ERI3: variants seen among roughly 807,000 people sequenced by gnomAD.
ERI3 encodes the protein ERI1 exoribonuclease family member 3, also known as ERI1 exoribonuclease 3.
Under a neutral mutation model 44.4 loss-of-function variants are expected in ERI3, and 18 were observed. The observed-to-expected ratio is 0.41, with a 90% CI of 0.28 to 0.60. The LOEUF is 0.60. Among genes scored for constraint, ERI3 ranks in the 20% least tolerant of loss-of-function variants. The pLI, the probability that ERI3 is intolerant of heterozygous loss-of-function variation, is 0.36. For missense variants in ERI3, 294 were observed against 435.5 expected (o/e 0.68, Z 2.89); for synonymous variants, 183 against 164.8 (o/e 1.11, Z -0.84).
chr1:44,326,286 A>G (rs919616858), intron 3 of ERI3, among the ~76,000 whole-genome samples: 1 of 152,214 alleles, frequency 6.6e-6, no homozygotes, highest in East Asian at 1.9e-4. Flanking sequence ...AGTCTCATGC[A>G]AAGACGGGCC....
At chr1:44,354,094 A>T in intron 1 of ERI3, 1 of 985,486 alleles carries the variant, frequency 1.0e-6, no homozygotes, top group Non-Finnish European at 1.2e-6. Flanking sequence ...GAATTTGATG[A>T]AGCCAATTTC....
At chr1:44,317,131 T>C (rs1420558055) in intron 4 of ERI3, among the ~76,000 whole-genome samples, 2 of 131,080 alleles carry the variant, frequency 1.5e-5, no homozygotes, top group Non-Finnish European at 3.3e-5. Flanking sequence ...GCACATGTCA[T>C]ACGCATGTGC....
At chr1:44,353,032 T>G in intron 1 of ERI3, 107 bp from the exon 2 acceptor site, 1 of 1,565,444 alleles carries the variant, frequency 6.4e-7, no homozygotes. Context: ...TCGGGATAAC[T>G]GCTATCTATG....
At chr1:44,318,894 A>G (rs1332514951) in intron 4 of ERI3, among the ~76,000 whole-genome samples, 2 of 152,224 alleles carry the variant, frequency 1.3e-5, no homozygotes, top group Non-Finnish European at 2.9e-5. Context: ...AGTGCATTAC[A>G]TGACATGTCA....
chr1:44,319,599 C>A, intron 4 of ERI3, 29 bp downstream of exon 4: 1 of 1,524,704 alleles, frequency 6.6e-7, no homozygotes, highest in Non-Finnish European at 9.1e-7. Flanking sequence ...CTCCCAGCAG[C>A]CCCTGCTGCC....
intron 6 of ERI3, among the ~76,000 whole-genome samples, chr1:44,286,918 C>A (rs1645405265): frequency 6.6e-6 from 1 of 152,154 alleles, no homozygotes; most frequent in Non-Finnish European, 1.5e-5. Flanking sequence ...TGCCGTGAGT[C>A]AGGACTCACC....
In ERI3 at chr1:44,301,644, C is replaced by T. The variant is rs780027884; in HGVS notation, c.758+6666G>A. ...GCAATCAGCCATTACCTCACTAGGA[C>T]GATCCACTATGCTGAACCCCACCTC... On this transcript the variant is annotated intron_variant, in intron 6 of 8. Coordinates refer to ENST00000372257, the MANE Select transcript of ERI3 (RefSeq NM_024066.3). 2.9e-4 allele frequency among the ~76,000 whole-genome samples: 44 copies of T among 152,194 alleles called. 1 individual carries two copies. The highest frequency in any genetic ancestry group is 4.7e-4 in the Non-Finnish European group (32 of 68,034).
chr1:44,247,852 T>C (rs1323943460), intron 8 of ERI3, 87 bp downstream of exon 8: 9 of 1,055,334 alleles, frequency 8.5e-6, no homozygotes, highest in Middle Eastern at 2.1e-4. Context: ...GAATGAGCCA[T>C]GGAAACTCTC....
chr1:44,326,479 C>T (rs753360776), intron 3 of ERI3, among the ~76,000 whole-genome samples: 43 of 152,208 alleles, frequency 2.8e-4, no homozygotes, highest in Non-Finnish European at 4.9e-4. Context: ...TTTTGATTTA[C>T]ACCACAGTCT....
intron 6 of ERI3, among the ~76,000 whole-genome samples, chr1:44,293,024 T>C (rs748492420): frequency 1.2e-4 from 18 of 152,234 alleles, no homozygotes; most frequent in Non-Finnish European, 2.1e-4. Context: ...CTGTCGCCAC[T>C]GCCTGTCAGG....
At position 44,248,031 on chromosome 1, in the gene ERI3, C is replaced by T. The variant is rs1167076332; in HGVS notation, c.839G>A (p.Ser280Asn). ...CTTGGGCCAGCAGCCCATGGCGAAG[C>T]TGTAAGCCTGGAAGACAGGAGGCAA... ...KQWINLKKAY[S>N]FAMGCWPKNG... Residue 280 changes from serine to asparagine, a missense_variant, in exon 8 of 9, where the codon AGC (serine) becomes AAC (asparagine). By Grantham distance (46) the Ser-to-Asn change is conservative. Transcript: ENST00000372257. 6.2e-7 allele frequency: 1 copy of T among 1,611,090 alleles called. No homozygotes were observed. Among genetic ancestry groups the T allele is most frequent in the Non-Finnish European group, 8.5e-7 (1 of 1,178,730 alleles).
intron 7 of ERI3, among the ~76,000 whole-genome samples, chr1:44,262,132 T>C (rs1271929101): frequency 6.6e-6 from 1 of 152,082 alleles, no homozygotes; most frequent in Non-Finnish European, 1.5e-5. Context: ...CAGAAGTTGG[T>C]CCATGTCTCC....
chr1:44,294,545 G>A (rs374557704), intron 6 of ERI3, among the ~76,000 whole-genome samples: 8 of 152,102 alleles, frequency 5.3e-5, no homozygotes, highest in African/African-American at 1.7e-4. Flanking sequence ...GTGCCTCTCC[G>A]GTGTCCTTTC....
At chr1:44,331,081 G>A (rs1646418157) in intron 3 of ERI3, among the ~76,000 whole-genome samples, 1 of 152,086 alleles carries the variant, frequency 6.6e-6, no homozygotes, top group Non-Finnish European at 1.5e-5. Context: ...GGCTGTACCT[G>A]TTGCCAATGC....
chr1:44,350,353 C>T (rs907905432), intron 2 of ERI3, among the ~76,000 whole-genome samples: 6 of 152,092 alleles, frequency 3.9e-5, no homozygotes, highest in African/African-American at 1.4e-4. Context: ...CCTCCACTTC[C>T]CAGGTTCAAG....
rs749617557 is a variant in ERI3, at chr1:44,354,462, T to C, written c.135+430A>G. 136 of 985,270 alleles carry C rather than the reference T, an allele frequency of 1.4e-4. No homozygotes were observed. In the Middle Eastern group the frequency reaches 1.5e-3, roughly 11 times the overall value. The allele number at this position is 985,270 out of a possible 1,614,324, so 61.0% of individuals were successfully genotyped here. On this transcript the variant is annotated intron_variant, in intron 1 of 8. Transcript: ENST00000372257. ...AAGAAAACACCTGTTGCTGGACCAT[T>C]TGCAAGACAGGCAAACAGAAAGCTA...
At chr1:44,245,758 AACCCCTTCTC>A in intron 8 of ERI3, among the ~76,000 whole-genome samples, 1 of 152,268 alleles carries the variant, frequency 6.6e-6, no homozygotes, top group African/African-American at 2.4e-5. Context: ...GGGAACGAGG[AACCCCTTCTC>A]ACACACACAC....
chr1:44,322,343 T>C (rs937121744), intron 3 of ERI3, among the ~76,000 whole-genome samples: 4 of 149,352 alleles, frequency 2.7e-5, no homozygotes, highest in Non-Finnish European at 4.4e-5. Context: ...CTCAGTGCCA[T>C]GCTCCCAGAG....
At chr1:44,322,897 G>C in intron 3 of ERI3, 5 of 1,533,766 alleles carry the variant, frequency 3.3e-6, no homozygotes, top group Non-Finnish European at 4.4e-6. Flanking sequence ...ATAATGATCA[G>C]AGATGGAACC....
Sources: gnomAD v4.1 joint callset for allele counts (sites outside exome capture counted in the v4.1 genomes callset) on GRCh38, gnomAD v4.1.1 for gene constraint, MANE v1.5 for transcripts, NCBI Gene and HGNC (gene_info 2026-07-23, HGNC 2026-07-21) for gene names.